The following EVI5 variants were observed in gnomAD, a reference collection of about 807,000 sequenced individuals.
The protein encoded by EVI5 is ecotropic viral integration site 5 protein homolog.
A neutral mutation model predicts 112.0 loss-of-function variants in EVI5; 73 were observed. That is an observed-to-expected ratio of 0.65 (90% CI 0.54 to 0.79). The LOEUF is 0.79. Among genes scored for constraint, EVI5 ranks in the 30% least tolerant of loss-of-function variants. EVI5 has a pLI of 0.00. For synonymous variants in EVI5, 305 were observed against 319.9 expected, an observed-to-expected ratio of 0.95 and a Z score of 0.50; for missense variants, 900 against 968.8, an observed-to-expected ratio of 0.93 and a Z score of 0.94.
At chr1:92,746,407 C>T (rs1385287855) in intron 1 of EVI5, among the ~76,000 whole-genome samples, 1 of 152,154 alleles carries the variant, frequency 6.6e-6, no homozygotes, top group Non-Finnish European at 1.5e-5. Context: ...CCCTTTGCAG[C>T]TATACACACT....
At chr1:92,667,195 G>C (rs1665079665) in intron 10 of EVI5, among the ~76,000 whole-genome samples, 1 of 152,140 alleles carries the variant, frequency 6.6e-6, no homozygotes, top group African/African-American at 2.4e-5. Context: ...TCAGGGGGAA[G>C]ACGGCCTCAG....
chr1:92,762,028 C>T (rs764299914), intron 1 of EVI5, among the ~76,000 whole-genome samples: 1 of 151,986 alleles, frequency 6.6e-6, no homozygotes, highest in Admixed American at 6.6e-5. Flanking sequence ...CTTATTTAAG[C>T]TAACAACTAT....
intron 19 of EVI5, among the ~76,000 whole-genome samples, chr1:92,515,568 G>T (rs1324840996): frequency 1.3e-5 from 2 of 152,158 alleles, no homozygotes; most frequent in Non-Finnish European, 2.9e-5. Flanking sequence ...ACAAGAATTA[G>T]CTACCAAATA....
intron 2 of EVI5, among the ~76,000 whole-genome samples, chr1:92,720,226 T>C (rs1674501232): frequency 6.6e-6 from 1 of 152,052 alleles, no homozygotes; most frequent in Non-Finnish European, 1.5e-5. Flanking sequence ...GAAACAATCC[T>C]AAGCAAAAAG....
At position 92,734,085 on chromosome 1, in the gene EVI5, C is replaced by T. The variant is rs145115167; in HGVS notation, c.149+2313G>A. ...CGGAAAGTATAGCCTCGCTGTCTAC[C>T]TACATCATGATGTATAAATTGATGT... On this transcript the variant is annotated intron_variant, in intron 2 of 19. Transcript: ENST00000684568. 1.9e-3 allele frequency among the ~76,000 whole-genome samples: 286 copies of T among 152,324 alleles called. 4 individuals carry two copies. Among genetic ancestry groups the T allele is most frequent in the African/African-American group, 6.3e-3 (263 of 41,572 alleles).
intron 1 of EVI5, among the ~76,000 whole-genome samples, chr1:92,751,555 A>G (rs1441284701): frequency 6.6e-6 from 1 of 152,040 alleles, no homozygotes; most frequent in Admixed American, 6.5e-5. Context: ...CCTAAACACT[A>G]TGTCTTCCCT....
At chr1:92,760,681 G>A (rs974951797) in intron 1 of EVI5, among the ~76,000 whole-genome samples, 7 of 147,796 alleles carry the variant, frequency 4.7e-5, no homozygotes, top group Non-Finnish European at 8.9e-5. Context: ...TTGCAGTGAC[G>A]CAAGATCGCG....
chr1:92,699,459 C>G (rs544901573), intron 5 of EVI5, among the ~76,000 whole-genome samples: 1 of 152,134 alleles, frequency 6.6e-6, no homozygotes, highest in African/African-American at 2.4e-5. Flanking sequence ...TGTATCTCCC[C>G]TAAGAATATT....
At chr1:92,550,939 G>A in intron 19 of EVI5, among the ~76,000 whole-genome samples, 1 of 143,082 alleles carries the variant, frequency 7.0e-6, no homozygotes, top group Non-Finnish European at 1.5e-5. Flanking sequence ...TTTAATAGAT[G>A]TATATTAAGA....
chr1:92,643,805 A>C (rs1266997354), intron 13 of EVI5, among the ~76,000 whole-genome samples: 3 of 152,240 alleles, frequency 2.0e-5, no homozygotes, highest in Non-Finnish European at 4.4e-5. Flanking sequence ...TCACTGTACC[A>C]ATAGCATTGA....
At chr1:92,783,499 A>AAG (rs1553277059) in intron 1 of EVI5, among the ~76,000 whole-genome samples, 5 of 4,192 alleles carry the variant, frequency 1.2e-3, no homozygotes, top group African/African-American at 1.9e-3. Flanking sequence ...AAAAAAAAAA[A>AAG]AAAAAAAAGA....
chr1:92,644,409 T>A (rs746095733), intron 13 of EVI5, among the ~76,000 whole-genome samples: 19 of 152,222 alleles, frequency 1.2e-4, no homozygotes, highest in Non-Finnish European at 2.4e-4. Context: ...GTTTCTTCCA[T>A]CAGTCTGGAC....
At chr1:92,763,959 A>G (rs970142356) in intron 1 of EVI5, among the ~76,000 whole-genome samples, 15 of 152,230 alleles carry the variant, frequency 9.9e-5, no homozygotes, top group African/African-American at 3.4e-4. Flanking sequence ...TATCAGAGGC[A>G]AATGGAAGTT....
intron 19 of EVI5, among the ~76,000 whole-genome samples, chr1:92,523,212 A>AT (rs1049601011): frequency 6.6e-6 from 1 of 152,008 alleles, no homozygotes; most frequent in Non-Finnish European, 1.5e-5. Flanking sequence ...ATTATGGAAT[A>AT]TTTTTTTAAA....
chr1:92,699,749 T>C (rs967969857), intron 5 of EVI5, among the ~76,000 whole-genome samples: 4 of 152,190 alleles, frequency 2.6e-5, no homozygotes, highest in African/African-American at 9.7e-5. Context: ...TGTTTGTGTA[T>C]CTAAACATAG....
intron 16 of EVI5, among the ~76,000 whole-genome samples, chr1:92,617,453 G>A (rs1303240393): frequency 2.6e-5 from 4 of 152,314 alleles, no homozygotes; most frequent in African/African-American, 9.6e-5. Context: ...ACCAACGGGT[G>A]ACCTCAGCAG....
chr1:92,680,413 A>G (rs1489504245), intron 9 of EVI5, among the ~76,000 whole-genome samples: 1 of 152,254 alleles, frequency 6.6e-6, no homozygotes, highest in African/African-American at 2.4e-5. Flanking sequence ...AATGGATTAT[A>G]GCTCACTGAA....
chr1:92,549,261 T>C (rs1666360049), intron 19 of EVI5, among the ~76,000 whole-genome samples: 1 of 152,154 alleles, frequency 6.6e-6, no homozygotes, highest in Non-Finnish European at 1.5e-5. Context: ...GATTCCCTAT[T>C]TAATAAATGG....
At position 92,576,071 on chromosome 1, in the gene EVI5, A is replaced by G. The variant is rs556772618; in HGVS notation, c.2071-12334T>C. Among the ~76,000 whole-genome samples the G allele has an allele frequency of 2.6e-5, 4 of 152,310 alleles. No individual in the cohort carries two copies. In the South Asian group the frequency reaches 8.3e-4, roughly 32 times the overall value. On this transcript the variant is annotated intron_variant, in intron 18 of 19. Coordinates refer to ENST00000684568, the MANE Select transcript of EVI5 (RefSeq NM_001350197.2). ...GCATATTTAAGGGTTGGGTAAATCA[A>G]AGGATTAAGTATAGAAGACATGGGC...
Sources: gnomAD v4.1 joint callset for allele counts (sites outside exome capture counted in the v4.1 genomes callset) on GRCh38, gnomAD v4.1.1 for gene constraint, MANE v1.5 for transcripts, NCBI Gene and HGNC (gene_info 2026-07-23, HGNC 2026-07-21) for gene names.